The following ANKRD44 variants were observed in gnomAD, a reference collection of about 807,000 sequenced individuals.
ANKRD44 encodes ankyrin repeat domain 44, also known as serine/threonine-protein phosphatase 6 regulatory ankyrin repeat subunit B.
ANKRD44 carries 35 observed loss-of-function variants against 116.0 expected under a neutral mutation model. The observed-to-expected ratio is 0.30, with a 90% CI of 0.23 to 0.40. The LOEUF (loss-of-function observed/expected upper bound fraction) is 0.40. Among genes scored for constraint, ANKRD44 ranks in the 10% least tolerant of loss-of-function variants. ANKRD44 has a pLI of 1.00. For missense variants in ANKRD44, 1,014 were observed against 1,242.6 expected (o/e 0.82, Z 2.77); for synonymous variants, 435 against 461.8 (o/e 0.94, Z 0.74).
chr2:197,040,340 C>T (rs1367032233), intron 16 of ANKRD44, among the ~76,000 whole-genome samples: 1 of 149,978 alleles, frequency 6.7e-6, no homozygotes, highest in Non-Finnish European at 1.5e-5. Context: ...GAAAATTACA[C>T]GTTAACTTTC....
At chr2:197,231,661 G>A (rs532152448) in intron 1 of ANKRD44, among the ~76,000 whole-genome samples, 2 of 151,668 alleles carry the variant, frequency 1.3e-5, no homozygotes, top group African/African-American at 2.4e-5. Flanking sequence ...GCAGAGGCCC[G>A]GGATGCTGCT....
chr2:197,005,791 C>T lies in ANKRD44; in HGVS notation c.2250G>A (p.Thr750=), dbSNP rs761805487. The change falls in exon 21 of 28, where the codon ACG becomes ACA. Residue 750 remains threonine (T), a synonymous_variant. Coordinates refer to ENST00000282272, the MANE Select transcript of ANKRD44 (RefSeq NM_001195144.2). ...CCATTTGGAGCAGCTCGCTCAGCCA[C>T]GTGGCGTGGCCACGAGCAGCTGCAT... is the stretch of plus-strand genomic sequence containing the variant. ...LHYAAARGHA[T]WLSELLQMAL... 2.3e-5 allele frequency: 37 copies of T among 1,614,162 alleles called. No individual in the cohort carries two copies. Among genetic ancestry groups the T allele is most frequent in the East Asian group, 2.0e-4 (9 of 44,902 alleles).
chr2:197,067,599 C>T (rs2077461955), intron 16 of ANKRD44, among the ~76,000 whole-genome samples: 2 of 133,090 alleles, frequency 1.5e-5, no homozygotes, highest in Non-Finnish European at 3.2e-5. Context: ...AGCCAAAAAA[C>T]ACATGAAGAA....
chr2:197,089,111 T>C lies in ANKRD44; in HGVS notation c.1184-337A>G, dbSNP rs193054284. On this transcript the variant is annotated intron_variant, in intron 11 of 27. Transcript: ENST00000282272. Reference sequence around the variant, plus strand: ...GCAGATAGAACTCATGGACAAAACATAGAAGCAAAGGAATAATCTTAGCAT... The same window carrying C: ...GCAGATAGAACTCATGGACAAAACACAGAAGCAAAGGAATAATCTTAGCAT... 4.6e-5 allele frequency among the ~76,000 whole-genome samples: 7 copies of C among 152,288 alleles called. No homozygotes were observed. In the East Asian group the frequency reaches 9.6e-4, roughly 21 times the overall value.
intron 16 of ANKRD44, among the ~76,000 whole-genome samples, chr2:197,075,225 T>A (rs1051029981): frequency 6.6e-6 from 1 of 152,226 alleles, no homozygotes; most frequent in African/African-American, 2.4e-5. Flanking sequence ...AAGATCTTTA[T>A]GTTCATGGAC....
chr2:197,269,220 C>T (rs2082825112), intron 1 of ANKRD44, among the ~76,000 whole-genome samples: 1 of 152,082 alleles, frequency 6.6e-6, no homozygotes, highest in Non-Finnish European at 1.5e-5. Context: ...ACATTTTATC[C>T]CTGCCCTGTT....
intron 1 of ANKRD44, among the ~76,000 whole-genome samples, chr2:197,290,528 C>T (rs1559224366): frequency 6.6e-6 from 1 of 152,138 alleles, no homozygotes; most frequent in Non-Finnish European, 1.5e-5. Context: ...TTTTAACTCC[C>T]TCTGTATCAT....
At chr2:197,178,896 A>G (rs1176543510) in intron 2 of ANKRD44, among the ~76,000 whole-genome samples, 1 of 152,168 alleles carries the variant, frequency 6.6e-6, no homozygotes, top group African/African-American at 2.4e-5. Flanking sequence ...AATCCATTCC[A>G]GCCCCAGTGA....
In ANKRD44 at chr2:197,219,195, G is replaced by A. The variant is rs192028684; in HGVS notation, c.28-32089C>T. Among the ~76,000 whole-genome samples, 819 of 150,086 alleles carry A rather than the reference G, an allele frequency of 5.5e-3. 7 individuals are homozygous for A. The highest frequency in any genetic ancestry group is 0.019 in the African/African-American group (764 of 40,742). On this transcript the variant is annotated intron_variant, in intron 1 of 27. Coordinates refer to ENST00000282272, the MANE Select transcript of ANKRD44 (RefSeq NM_001195144.2). Reference sequence around the variant, plus strand: ...AGCGATTCTTCTGCCTCAGCCTCCCGAGTATCTGGGACTACAGGCATATGC... The same window carrying A: ...AGCGATTCTTCTGCCTCAGCCTCCCAAGTATCTGGGACTACAGGCATATGC...
intron 1 of ANKRD44, among the ~76,000 whole-genome samples, chr2:197,225,303 T>A (rs1473693779): frequency 2.0e-5 from 3 of 152,196 alleles, no homozygotes; most frequent in African/African-American, 7.2e-5. Context: ...AATAAGAACA[T>A]TAAATTAATC....
intron 21 of ANKRD44, among the ~76,000 whole-genome samples, chr2:196,978,438 G>GC (rs2075775390): frequency 6.6e-6 from 1 of 152,154 alleles, no homozygotes; most frequent in Non-Finnish European, 1.5e-5. Flanking sequence ...TTATAGCAAT[G>GC]CAAGAAGAGA....
At chr2:197,184,178 T>A (rs2080589278) in intron 2 of ANKRD44, among the ~76,000 whole-genome samples, 1 of 152,146 alleles carries the variant, frequency 6.6e-6, no homozygotes, top group Non-Finnish European at 1.5e-5. Flanking sequence ...CAAAAATTGG[T>A]GTGGCCAAGA....
At chr2:197,003,309 A>G (rs2125903199) in intron 21 of ANKRD44, among the ~76,000 whole-genome samples, 1 of 152,048 alleles carries the variant, frequency 6.6e-6, no homozygotes, top group East Asian at 1.9e-4. Context: ...ATACACCCCT[A>G]GAAAAAAAAA....
intron 13 of ANKRD44, among the ~76,000 whole-genome samples, chr2:197,084,468 C>T (rs2077873493): frequency 6.6e-6 from 1 of 152,154 alleles, no homozygotes; most frequent in South Asian, 2.1e-4. Flanking sequence ...TCTCATCCTC[C>T]CCACTGAACT....
In ANKRD44 at chr2:197,088,602, T is replaced by A. The variant is rs867553405; in HGVS notation, c.1247+109A>T. On this transcript the variant is annotated intron_variant, in intron 12 of 27. Transcript: ENST00000282272. Reference sequence around the variant, plus strand: ...AGTGATATTTGATAATTAGTAGAAATGATTCTTATTTTACTAAGGAAATTG... The same window carrying A: ...AGTGATATTTGATAATTAGTAGAAAAGATTCTTATTTTACTAAGGAAATTG... 3 of 629,508 alleles carry A rather than the reference T, an allele frequency of 4.8e-6. No homozygotes were observed. The South Asian group carries it at 1.2e-4, about 26-fold the overall frequency. 39.0% of individuals were successfully genotyped at this position (629,508 alleles called of 1,614,324 possible). A position where few individuals can be genotyped will look rare whatever the true frequency, so the allele number is the denominator to read the frequency against.
intron 8 of ANKRD44, among the ~76,000 whole-genome samples, chr2:197,116,748 T>G (rs1359689130): frequency 5.3e-5 from 8 of 152,172 alleles, no homozygotes; most frequent in African/African-American, 1.9e-4. Context: ...CACCTTTACA[T>G]GAATGAAGCA....
At chr2:197,273,993 A>ATCTATC (rs1559208480) in intron 1 of ANKRD44, among the ~76,000 whole-genome samples, 1 of 35,912 alleles carries the variant, frequency 2.8e-5, no homozygotes, top group African/African-American at 1.1e-4. Flanking sequence ...ATATATATAT[A>ATCTATC]TATATATATA....
chr2:196,980,690 G>T (rs1172454957), intron 21 of ANKRD44, among the ~76,000 whole-genome samples: 1 of 152,158 alleles, frequency 6.6e-6, no homozygotes. Flanking sequence ...TTTCTGGAGA[G>T]CCTCATAAAC....
intron 16 of ANKRD44, 126 bp downstream of exon 16, chr2:197,078,577 C>T: frequency 6.6e-7 from 1 of 1,525,968 alleles, no homozygotes; most frequent in Non-Finnish European, 8.9e-7. Flanking sequence ...TTCATGAAAT[C>T]CTGATTCATG....
Sources: allele counts gnomAD v4.1 joint callset (sites outside exome capture counted in the v4.1 genomes callset), GRCh38; gene constraint gnomAD v4.1.1; transcripts MANE v1.5; gene names NCBI Gene and HGNC (gene_info 2026-07-23, HGNC 2026-07-21).